GNG12: variants seen among roughly 807,000 people sequenced by gnomAD.
GNG12 encodes guanine nucleotide-binding protein G(I)/G(S)/G(O) subunit gamma-12.
For missense variants in GNG12, 69 were observed against 83.8 expected (o/e 0.82, Z 0.69); for synonymous variants, 28 against 29.7 (o/e 0.94, Z 0.19).
intron 1 of GNG12, among the ~76,000 whole-genome samples, chr1:67,818,350 C>T (rs531572113): frequency 9.5e-5 from 14 of 147,380 alleles, no homozygotes; most frequent in Non-Finnish European, 1.8e-4. Flanking sequence ...CAATGTGAAT[C>T]ACATAGTGGG....
At chr1:67,741,120 G>C (rs1345829143) in intron 2 of GNG12, among the ~76,000 whole-genome samples, 1 of 152,154 alleles carries the variant, frequency 6.6e-6, no homozygotes, top group Non-Finnish European at 1.5e-5. Flanking sequence ...TTGAACCTCA[G>C]TTCATTTTTA....
At chr1:67,816,275 C>T (rs1227842302) in intron 1 of GNG12, among the ~76,000 whole-genome samples, 2 of 152,084 alleles carry the variant, frequency 1.3e-5, no homozygotes, top group African/African-American at 4.8e-5. Context: ...AGATTACAGC[C>T]GACCGTAGTA....
intron 1 of GNG12, among the ~76,000 whole-genome samples, chr1:67,800,998 G>A (rs1000137761): frequency 2.8e-5 from 4 of 141,166 alleles, no homozygotes; most frequent in Non-Finnish European, 6.3e-5. Context: ...AGACCTTTTC[G>A]TTTGAGCCAC....
chr1:67,745,920 C>A (rs1473028544), intron 2 of GNG12, among the ~76,000 whole-genome samples: 3 of 152,166 alleles, frequency 2.0e-5, no homozygotes, highest in Non-Finnish European at 2.9e-5. Context: ...AGAGTCAGTA[C>A]TTAATAAATA....
chr1:67,830,026 CAG>C (rs963581727), intron 1 of GNG12, among the ~76,000 whole-genome samples: 1 of 110,834 alleles, frequency 9.0e-6, no homozygotes, highest in African/African-American at 3.5e-5. Flanking sequence ...TTTTTTGAGA[CAG>C]AGTTTTTGCT....
chr1:67,752,541 C>A (rs922722736), intron 2 of GNG12, among the ~76,000 whole-genome samples: 1 of 152,274 alleles, frequency 6.6e-6, no homozygotes, highest in East Asian at 1.9e-4. Flanking sequence ...CTTGCACTCA[C>A]GGTAGACATC....
intron 2 of GNG12, among the ~76,000 whole-genome samples, chr1:67,714,112 G>T (rs1646311469): frequency 6.6e-6 from 1 of 152,196 alleles, no homozygotes; most frequent in African/African-American, 2.4e-5. Flanking sequence ...TTGTGTGTGT[G>T]TGTTTTAACT....
rs902176240 is a variant in GNG12 at position 67,802,059 on chromosome 1, A to G, written c.-76-24552T>C. On this transcript the variant is annotated intron_variant, in intron 1 of 3. Transcript: ENST00000370982. ...TGAACCTGGGCAGTGCCAGAGGGAG[A>G]GCAAATCTATAAGCCCTGCTTGTGG... Among the ~76,000 whole-genome samples the G allele has an allele frequency of 2.6e-5, 4 of 152,056 alleles. No individual in the cohort carries two copies. The East Asian group carries it at 5.8e-4, about 22-fold the overall frequency.
intron 2 of GNG12, among the ~76,000 whole-genome samples, chr1:67,769,322 T>C (rs1029436341): frequency 2.0e-5 from 3 of 152,088 alleles, no homozygotes; most frequent in Admixed American, 6.6e-5. Context: ...GGAGGGCACG[T>C]TGGCAGGGAG....
chr1:67,830,910 T>C (rs1647040553), intron 1 of GNG12, among the ~76,000 whole-genome samples: 2 of 152,212 alleles, frequency 1.3e-5, no homozygotes, highest in Admixed American at 1.3e-4. Context: ...TCTAATAATT[T>C]TGACCATGTA....
chr1:67,778,068 T>C (rs1570539982), intron 1 of GNG12, among the ~76,000 whole-genome samples: 1 of 149,470 alleles, frequency 6.7e-6, no homozygotes, highest in East Asian at 1.9e-4. Context: ...TATTTAATAA[T>C]AGATTAACAA....
At chr1:67,746,322 C>T (rs1476906727) in intron 2 of GNG12, among the ~76,000 whole-genome samples, 1 of 152,168 alleles carries the variant, frequency 6.6e-6, no homozygotes, top group East Asian at 1.9e-4. Context: ...AATAAAGAAA[C>T]GTTTCTCTTC....
intron 1 of GNG12, among the ~76,000 whole-genome samples, chr1:67,814,316 C>T (rs1646941630): frequency 6.6e-6 from 1 of 152,160 alleles, no homozygotes; most frequent in South Asian, 2.1e-4. Context: ...TGTCATTTTT[C>T]CAACATTCAC....
At chr1:67,818,413 GTTTTTTTTTTTTT>G (rs1163831257) in intron 1 of GNG12, among the ~76,000 whole-genome samples, 9 of 83,882 alleles carry the variant, frequency 1.1e-4, no homozygotes, top group African/African-American at 3.0e-4. Flanking sequence ...AAGACCAGGG[GTTTTTTTTTTTTT>G]TTTTTTTTTT....
intron 1 of GNG12, among the ~76,000 whole-genome samples, chr1:67,818,010 C>T (rs901566798): frequency 4.6e-5 from 7 of 152,090 alleles, no homozygotes; most frequent in Admixed American, 1.3e-4. Context: ...TAGTCTCAAA[C>T]TCCTGGGCTC....
chr1:67,788,749 T>C (rs997296673), intron 1 of GNG12, among the ~76,000 whole-genome samples: 24 of 152,210 alleles, frequency 1.6e-4, no homozygotes, highest in African/African-American at 5.1e-4. Context: ...AATTCTACCA[T>C]GCCTTACTTA....
intron 1 of GNG12, among the ~76,000 whole-genome samples, chr1:67,796,726 G>T (rs1433114966): frequency 6.6e-6 from 1 of 152,166 alleles, no homozygotes; most frequent in Non-Finnish European, 1.5e-5. Context: ...TTTTGCTAAG[G>T]TCAATAGAAA....
At chr1:67,794,397 A>G (rs935479162) in intron 1 of GNG12, among the ~76,000 whole-genome samples, 3 of 152,204 alleles carry the variant, frequency 2.0e-5, no homozygotes, top group Non-Finnish European at 4.4e-5. Context: ...AGCCAGGGGT[A>G]GTGTGATCCA....
intron 1 of GNG12, among the ~76,000 whole-genome samples, chr1:67,807,588 AAAAG>A (rs975624337): frequency 1.3e-5 from 2 of 151,966 alleles, no homozygotes; most frequent in African/African-American, 4.8e-5. Flanking sequence ...GTCTGAGAAA[AAAAG>A]AAAGAAGACA....
Sources: allele counts gnomAD v4.1 joint callset (sites outside exome capture counted in the v4.1 genomes callset), GRCh38; gene constraint gnomAD v4.1.1; transcripts MANE v1.5; gene names NCBI Gene and HGNC (gene_info 2026-07-23, HGNC 2026-07-21).